The following MTARC2 variants were observed in gnomAD, a reference collection of about 807,000 sequenced individuals.
MTARC2 encodes the protein mitochondrial amidoxime reducing component 2.
MTARC2 carries 27 observed loss-of-function variants against 35.6 expected under a neutral mutation model. The observed-to-expected ratio is 0.76, with a 90% confidence interval of 0.56 to 1.04. The LOEUF is 1.04. Ranked by LOEUF, MTARC2 falls within the 50% of genes least tolerant of loss-of-function variation. The probability of loss-of-function intolerance (pLI) is 0.00; values close to 1 mark genes in which losing one functional copy is unlikely to be tolerated. For synonymous variants in MTARC2, 158 were observed against 167.1 expected (o/e 0.95, Z 0.42); for missense variants, 412 against 432.5 (o/e 0.95, Z 0.42).
At chr1:220,779,541 C>A (rs1672007394) in intron 4 of MTARC2, among the ~76,000 whole-genome samples, 1 of 152,142 alleles carries the variant, frequency 6.6e-6, no homozygotes, top group Non-Finnish European at 1.5e-5. Context: ...GGGATCAGGA[C>A]CCCATTAGCA....
intron 4 of MTARC2, 31 bp from the exon 5 acceptor site, chr1:220,779,987 A>T: frequency 1.3e-6 from 2 of 1,503,178 alleles, no homozygotes; most frequent in Non-Finnish European, 1.8e-6. Flanking sequence ...TGAAGCCACC[A>T]TTTAAAAGAT....
intron 4 of MTARC2, among the ~76,000 whole-genome samples, chr1:220,768,949 C>T (rs914055549): frequency 2.0e-5 from 3 of 152,072 alleles, no homozygotes; most frequent in Non-Finnish European, 4.4e-5. Context: ...TTAGGGGACT[C>T]CAGCAAGAGT....
chr1:220,750,586 A>T (rs148635460), intron 1 of MTARC2, among the ~76,000 whole-genome samples: 178 of 152,282 alleles, frequency 1.2e-3, no homozygotes, highest in African/African-American at 4.2e-3. Flanking sequence ...AACGCTTAGG[A>T]TGGGGTGGGG....
chr1:220,776,656 C>G (rs1671924025), intron 4 of MTARC2, among the ~76,000 whole-genome samples: 1 of 152,158 alleles, frequency 6.6e-6, no homozygotes, highest in Non-Finnish European at 1.5e-5. Flanking sequence ...ACAATTTGCT[C>G]TTTTAAACGC....
intron 4 of MTARC2, among the ~76,000 whole-genome samples, chr1:220,766,350 C>G (rs1290163864): frequency 3.3e-5 from 5 of 152,218 alleles, no homozygotes; most frequent in Admixed American, 2.6e-4. Context: ...CCCACCTCCC[C>G]CTCCCAGTTC....
chr1:220,772,272 A>G (rs1671764664), intron 4 of MTARC2, among the ~76,000 whole-genome samples: 1 of 152,228 alleles, frequency 6.6e-6, no homozygotes. Context: ...AGCATTTTAA[A>G]GGCTCTCTGT....
chr1:220,753,315 T>C (rs1158645957), intron 1 of MTARC2, among the ~76,000 whole-genome samples: 1 of 152,180 alleles, frequency 6.6e-6, no homozygotes, highest in Non-Finnish European at 1.5e-5. Flanking sequence ...CACCAGCTTT[T>C]TGGAAGCAGG....
At chr1:220,768,546 T>C (rs1286401752) in intron 4 of MTARC2, among the ~76,000 whole-genome samples, 1 of 152,106 alleles carries the variant, frequency 6.6e-6, no homozygotes, top group South Asian at 2.1e-4. Context: ...TCCCTGAATA[T>C]CAGCCAACTA....
chr1:220,773,414 G>A (rs1251173687), intron 4 of MTARC2, among the ~76,000 whole-genome samples: 1 of 152,142 alleles, frequency 6.6e-6, no homozygotes, highest in Non-Finnish European at 1.5e-5. Flanking sequence ...TTCCTGACTT[G>A]CGTCCTTTAT....
intron 4 of MTARC2, among the ~76,000 whole-genome samples, chr1:220,774,434 T>C (rs1353141179): frequency 2.0e-5 from 3 of 152,300 alleles, no homozygotes; most frequent in South Asian, 4.1e-4. Context: ...AGAAACAGAA[T>C]AGTCTTATTT....
intron 7 of MTARC2, 51 bp downstream of exon 7, chr1:220,781,983 A>C: frequency 6.9e-7 from 1 of 1,446,640 alleles, no homozygotes; most frequent in Non-Finnish European, 9.3e-7. Flanking sequence ...CCATTGCTGC[A>C]TTTTCTTGTG....
At chr1:220,773,299 A>G (rs1671795785) in intron 4 of MTARC2, among the ~76,000 whole-genome samples, 1 of 152,186 alleles carries the variant, frequency 6.6e-6, no homozygotes, top group South Asian at 2.1e-4. Context: ...TCTGAGTTGG[A>G]GAACACATTG....
chr1:220,777,772 C>A (rs942498543), intron 4 of MTARC2, among the ~76,000 whole-genome samples: 10 of 152,114 alleles, frequency 6.6e-5, no homozygotes, highest in African/African-American at 2.4e-4. Flanking sequence ...GGCCTGCAAC[C>A]TTTATATAGC....
chr1:220,769,361 A>G (rs1037087350), intron 4 of MTARC2, among the ~76,000 whole-genome samples: 1 of 152,216 alleles, frequency 6.6e-6, no homozygotes, highest in African/African-American at 2.4e-5. Context: ...AAGGCGGATT[A>G]ACAGGAGACC....
At chr1:220,774,258 G>A (rs1671829942) in intron 4 of MTARC2, among the ~76,000 whole-genome samples, 1 of 151,958 alleles carries the variant, frequency 6.6e-6, no homozygotes, top group South Asian at 2.1e-4. Flanking sequence ...GGAGACACGA[G>A]GTTATATCAT....
At position 220,748,794 on chromosome 1, in the gene MTARC2, T is replaced by TGCGGGACAGGTACAGCACAGCGCGGGC. The variant is rs1671052048; in HGVS notation, c.269_272+23dup. The TGCGGGACAGGTACAGCACAGCGCGGGC allele has an allele frequency of 6.3e-7, 1 of 1,592,872 alleles. No individual in the cohort carries two copies. Among genetic ancestry groups the TGCGGGACAGGTACAGCACAGCGCGGGC allele is most frequent in the Non-Finnish European group, 8.5e-7 (1 of 1,170,476 alleles). On this transcript the variant is annotated inframe_insertion, in exon 1 of 8. Transcript: ENST00000366913. ...GCCATGGGGCTGCGCAGCGGCAACC[T>TGCGGGACAGGTACAGCACAGCGCGGGC]GCGGGACAGGTACAGCACAGCGCGG...
intron 4 of MTARC2, among the ~76,000 whole-genome samples, chr1:220,773,033 T>C (rs1277449353): frequency 6.6e-6 from 1 of 152,088 alleles, no homozygotes; most frequent in African/African-American, 2.4e-5. Flanking sequence ...CTTTCAATCA[T>C]ACCTGACTTT....
chr1:220,763,438 A>G (rs143541264), intron 4 of MTARC2, among the ~76,000 whole-genome samples: 1 of 152,310 alleles, frequency 6.6e-6, no homozygotes, highest in African/African-American at 2.4e-5. Context: ...CAGAAGACCC[A>G]TGCCCCAAAG....
intron 1 of MTARC2, among the ~76,000 whole-genome samples, chr1:220,752,631 A>T (rs1467675224): frequency 6.6e-6 from 1 of 152,036 alleles, no homozygotes; most frequent in Non-Finnish European, 1.5e-5. Context: ...TAATTGAGCC[A>T]GGAGTTCCAG....
Sources: allele counts gnomAD v4.1 joint callset (sites outside exome capture counted in the v4.1 genomes callset), GRCh38; gene constraint gnomAD v4.1.1; transcripts MANE v1.5; gene names NCBI Gene and HGNC (gene_info 2026-07-23, HGNC 2026-07-21).